Variants in UHRF2 observed in about 807,000 individuals in gnomAD.
UHRF2 encodes E3 ubiquitin-protein ligase UHRF2.
UHRF2 carries 23 observed loss-of-function variants against 96.8 expected under a neutral mutation model. The observed-to-expected ratio is 0.24, with a 90% CI of 0.17 to 0.34. The LOEUF is 0.34. Among genes scored for constraint, UHRF2 ranks in the 10% least tolerant of loss-of-function variants. UHRF2 has a pLI of 1.00. For synonymous variants in UHRF2, 385 were observed against 332.6 expected, an observed-to-expected ratio of 1.16 and a Z score of -1.72; for missense variants, 685 against 981.5, an observed-to-expected ratio of 0.70 and a Z score of 4.04.
intron 4 of UHRF2, chr9:6,468,788 A>T (rs1823037129): frequency 2.4e-6 from 1 of 420,714 alleles, no homozygotes; most frequent in Admixed American, 2.7e-5. Flanking sequence ...CAGAATATGT[A>T]GGTCTTTTAG....
In UHRF2 at chr9:6,506,402, G is replaced by C. The variant is rs1816585982; in HGVS notation, c.*223G>C. The C allele has an allele frequency of 4.5e-6, 2 of 442,304 alleles. No individual in the cohort carries two copies. The highest frequency in any genetic ancestry group is 7.6e-6 in the Non-Finnish European group (2 of 262,252). 27.4% of individuals were successfully genotyped at this position (442,304 alleles called of 1,614,324 possible). ...TTCCTGTAACAACTAGTTTTAATGAGTAAAAAGTCAAAGCCTCAGCTCTAG... is the reference window on the plus strand; with the variant it reads ...TTCCTGTAACAACTAGTTTTAATGACTAAAAAGTCAAAGCCTCAGCTCTAG... On this transcript the variant is annotated 3_prime_UTR_variant, in exon 16 of 16. Coordinates refer to ENST00000276893, the MANE Select transcript of UHRF2 (RefSeq NM_152896.3).
intron 3 of UHRF2, among the ~76,000 whole-genome samples, chr9:6,446,273 C>G (rs1821497505): frequency 6.6e-6 from 1 of 151,934 alleles, no homozygotes; most frequent in Non-Finnish European, 1.5e-5. Context: ...ACCTCAGCCT[C>G]CCAGGTAGAT....
rs886459972 is a variant in UHRF2, at chr9:6,477,534, A to AT, written c.974-87dup. ...AGAGCAAAACTCCATTTCAAAAAAA[A>AT]TGCTGTTTCCATGGGCTTTTCTTTA... On this transcript the variant is annotated intron_variant, in intron 5 of 15. Transcript: ENST00000276893. 1.0e-5 allele frequency: 13 copies of AT among 1,291,136 alleles called. No homozygotes were observed. The African/African-American group carries it at 1.5e-4, about 15-fold the overall frequency. 80.0% of individuals were successfully genotyped at this position (1,291,136 alleles called of 1,614,324 possible).
rs193076058 is a variant in UHRF2 at position 6,419,596 on chromosome 9, T to C, written c.154-1316T>C. On this transcript the variant is annotated intron_variant, in intron 1 of 15. Coordinates refer to ENST00000276893, the MANE Select transcript of UHRF2 (RefSeq NM_152896.3). Reference sequence around the variant, plus strand: ...CTTAATGTCTTTATGAAAAATAAGGTCATAAAACAACTTTGAAAATTCACA... The same window carrying C: ...CTTAATGTCTTTATGAAAAATAAGGCCATAAAACAACTTTGAAAATTCACA... 2.6e-5 allele frequency among the ~76,000 whole-genome samples: 4 copies of C among 152,252 alleles called. No homozygotes were observed. The South Asian group carries it at 8.3e-4, about 32-fold the overall frequency.
intron 3 of UHRF2, among the ~76,000 whole-genome samples, chr9:6,438,956 C>G (rs1821003881): frequency 6.6e-6 from 1 of 151,860 alleles, no homozygotes; most frequent in African/African-American, 2.4e-5. Context: ...GTTTCAAACA[C>G]CAAACCAAAA....
At chr9:6,493,673 A>G (rs1037711071) in intron 9 of UHRF2, among the ~76,000 whole-genome samples, 153 bp from the exon 10 acceptor site, 9 of 152,232 alleles carry the variant, frequency 5.9e-5, no homozygotes, top group African/African-American at 1.9e-4. Flanking sequence ...ACTACACACA[A>G]GATTGCATTT....
At chr9:6,492,063 T>C (rs1393503623) in intron 9 of UHRF2, among the ~76,000 whole-genome samples, 2 of 152,056 alleles carry the variant, frequency 1.3e-5, no homozygotes. Context: ...TGAAATAATA[T>C]GGTTTGAGCT....
At chr9:6,447,898 A>C (rs892147717) in intron 3 of UHRF2, among the ~76,000 whole-genome samples, 1 of 152,234 alleles carries the variant, frequency 6.6e-6, no homozygotes, top group African/African-American at 2.4e-5. Context: ...TTCACTAGGT[A>C]GTTTGGAGGA....
intron 3 of UHRF2, among the ~76,000 whole-genome samples, chr9:6,451,321 G>C (rs1313013087): frequency 6.6e-6 from 1 of 152,026 alleles, no homozygotes; most frequent in Non-Finnish European, 1.5e-5. Context: ...GGTTTTTAGG[G>C]ATTTCTCACA....
chr9:6,416,224 C>T lies in UHRF2; in HGVS notation c.153+2581C>T, dbSNP rs10975581. Reference sequence around the variant, plus strand: ...GACTACAGGCGTGCGCCACCACTCCCGGCAAATTTTTTGTATTTTAGTAGA... The same window carrying T: ...GACTACAGGCGTGCGCCACCACTCCTGGCAAATTTTTTGTATTTTAGTAGA... On this transcript the variant is annotated intron_variant, in intron 1 of 15. Transcript: ENST00000276893. Among the ~76,000 whole-genome samples the T allele has an allele frequency of 7.0e-3, 1,071 of 152,188 alleles. 6 individuals are homozygous for T. Among genetic ancestry groups the T allele is most frequent in the African/African-American group, 0.024 (979 of 41,522 alleles).
At chr9:6,505,538 C>T (rs1816538195) in intron 15 of UHRF2, among the ~76,000 whole-genome samples, 1 of 152,194 alleles carries the variant, frequency 6.6e-6, no homozygotes, top group Non-Finnish European at 1.5e-5. Flanking sequence ...CTAAGGTGAT[C>T]CACCTGCCTC....
chr9:6,453,310 T>A (rs1821979791), intron 3 of UHRF2, among the ~76,000 whole-genome samples: 1 of 152,222 alleles, frequency 6.6e-6, no homozygotes, highest in African/African-American at 2.4e-5. Context: ...AGAGTTAGGT[T>A]AATGGAGGTG....
At chr9:6,425,816 A>C (rs1006358184) in intron 2 of UHRF2, among the ~76,000 whole-genome samples, 3 of 152,152 alleles carry the variant, frequency 2.0e-5, no homozygotes, top group African/African-American at 7.2e-5. Flanking sequence ...TATGCTTCTT[A>C]CTGTTGGTGT....
At chr9:6,468,352 T>C (rs1380748693) in intron 4 of UHRF2, 1 of 434,754 alleles carries the variant, frequency 2.3e-6, no homozygotes, top group East Asian at 7.1e-5. Flanking sequence ...TGTTTGCAGG[T>C]AGGGTGGGAC....
chr9:6,484,412 C>G (rs1824127218), intron 8 of UHRF2, among the ~76,000 whole-genome samples: 1 of 147,502 alleles, frequency 6.8e-6, no homozygotes, highest in South Asian at 2.2e-4. Flanking sequence ...CTCCTCCTCC[C>G]TCCTCCCTCC....
chr9:6,486,963 T>TTTTGTACCTGACCATTTGTACC (rs1226129343), intron 9 of UHRF2, 38 bp downstream of exon 9: 3 of 1,584,876 alleles, frequency 1.9e-6, no homozygotes, highest in African/African-American at 2.7e-5. Flanking sequence ...AGTACCTGCC[T>TTTTGTACCTGACCATTTGTACC]TGACCATTTG....
At chr9:6,500,939 C>G (rs1482448355) in intron 14 of UHRF2, among the ~76,000 whole-genome samples, 1 of 152,120 alleles carries the variant, frequency 6.6e-6, no homozygotes, top group South Asian at 2.1e-4. Flanking sequence ...CCCAAAGTTA[C>G]TTTACTTTGA....
At chr9:6,482,554 C>A (rs1823987589) in intron 8 of UHRF2, among the ~76,000 whole-genome samples, 1 of 151,194 alleles carries the variant, frequency 6.6e-6, no homozygotes, top group African/African-American at 2.4e-5. Flanking sequence ...TTTCCCATTT[C>A]CAATTACAGA....
intron 3 of UHRF2, among the ~76,000 whole-genome samples, chr9:6,442,652 ATTT>A (rs35764668): frequency 1.4e-5 from 2 of 144,074 alleles, no homozygotes; most frequent in African/African-American, 2.6e-5. Context: ...TTAATTTTTG[ATTT>A]TTTTTTTTTT....
Sources: allele counts gnomAD v4.1 joint callset (sites outside exome capture counted in the v4.1 genomes callset), GRCh38; gene constraint gnomAD v4.1.1; transcripts MANE v1.5; gene names NCBI Gene and HGNC (gene_info 2026-07-23, HGNC 2026-07-21).